NOL4: variants seen among roughly 807,000 people sequenced by gnomAD.
NOL4 encodes the protein cancer/testis antigen 125.
A neutral mutation model predicts 75.9 loss-of-function variants in NOL4; 17 were observed. The ratio of observed to expected loss-of-function variants is 0.22; its 90% CI spans 0.15 to 0.34. The LOEUF (loss-of-function observed/expected upper bound fraction) is 0.34. Among genes scored for constraint, NOL4 ranks in the 10% least tolerant of loss-of-function variants. The pLI is 1.00. For synonymous variants in NOL4, 292 were observed against 289.9 expected, an observed-to-expected ratio of 1.01 and a Z score of -0.07; for missense variants, 614 against 793.5, an observed-to-expected ratio of 0.77 and a Z score of 2.72.
At chr18:34,159,923 G>A (rs1406685868) in intron 1 of NOL4, among the ~76,000 whole-genome samples, 1 of 152,076 alleles carries the variant, frequency 6.6e-6, no homozygotes, top group African/African-American at 2.4e-5. Flanking sequence ...GTGGGGTGGG[G>A]TGGAGTTGTC....
intron 5 of NOL4, among the ~76,000 whole-genome samples, chr18:34,043,866 T>C (rs958354494): frequency 1.1e-4 from 17 of 152,056 alleles, no homozygotes; most frequent in African/African-American, 4.1e-4. Context: ...AGGCCCAACC[T>C]TTTGACTTTC....
At chr18:34,199,172 G>A (rs909931183) in intron 1 of NOL4, among the ~76,000 whole-genome samples, 1 of 92,238 alleles carries the variant, frequency 1.1e-5, no homozygotes, top group Admixed American at 1.1e-4. Context: ...TGTATGTTTT[G>A]TTTTGTTATA....
At chr18:34,103,471 A>C (rs892297160) in intron 4 of NOL4, among the ~76,000 whole-genome samples, 1 of 152,074 alleles carries the variant, frequency 6.6e-6, no homozygotes, top group Non-Finnish European at 1.5e-5. Flanking sequence ...TTCACTATAC[A>C]AATTAAATAG....
intron 8 of NOL4, among the ~76,000 whole-genome samples, chr18:33,952,543 C>T (rs1432286954): frequency 1.3e-5 from 2 of 152,212 alleles, no homozygotes; most frequent in South Asian, 2.1e-4. Flanking sequence ...AAACACCACA[C>T]TTGTACAGGA....
chr18:34,206,739 G>T (rs560820849), intron 1 of NOL4, among the ~76,000 whole-genome samples: 15 of 152,128 alleles, frequency 9.9e-5, no homozygotes, highest in Non-Finnish European at 1.9e-4. Flanking sequence ...GTTCCACCAA[G>T]CATTTTGAAT....
intron 9 of NOL4, among the ~76,000 whole-genome samples, chr18:33,890,995 A>G (rs1322640294): frequency 6.6e-6 from 1 of 151,916 alleles, no homozygotes; most frequent in Non-Finnish European, 1.5e-5. Flanking sequence ...ATAAAGGTAC[A>G]GTGAAAAATC....
chr18:33,952,463 A>C (rs1479689002), intron 8 of NOL4, among the ~76,000 whole-genome samples: 2 of 152,196 alleles, frequency 1.3e-5, no homozygotes, highest in Non-Finnish European at 2.9e-5. Flanking sequence ...GTACCATATT[A>C]TATGCTATAC....
At chr18:34,065,855 T>G (rs1323932617) in intron 5 of NOL4, among the ~76,000 whole-genome samples, 1 of 151,946 alleles carries the variant, frequency 6.6e-6, no homozygotes, top group African/African-American at 2.4e-5. Flanking sequence ...AAACACCTGT[T>G]TCTTTGGTTT....
chr18:34,110,673 G>T (rs80343713), intron 2 of NOL4, among the ~76,000 whole-genome samples: 2,801 of 152,164 alleles, frequency 0.018, 35 homozygotes, highest in Non-Finnish European at 0.028. Flanking sequence ...GGTACTAGAA[G>T]TCCTAGTCAG....
intron 2 of NOL4, chr18:34,128,819 G>C: frequency 1.1e-6 from 1 of 911,716 alleles, no homozygotes; most frequent in East Asian, 1.2e-4. Context: ...TATTTCTTAT[G>C]CTCAGTAGCT....
rs2069732667 is a variant in NOL4 at position 33,957,395 on chromosome 18, C to T, written c.1359G>A (p.Glu453=). ...AAGTACGTATACGTTTTCTGGCACG[C>T]TCTTGATACTCAGGGAATTGTCGCC... The part of the protein sequence containing the change: ...SCRRQFPEYQ[E]RARKRIRTYL... The change falls in exon 8 of 11, where the codon GAG becomes GAA. Residue 453 remains glutamate (E), a synonymous_variant. Coordinates refer to ENST00000261592, the MANE Select transcript of NOL4 (RefSeq NM_003787.5). 4 of 1,613,660 alleles carry T rather than the reference C, an allele frequency of 2.5e-6. No individual in the cohort carries two copies. In the African/African-American group the frequency reaches 4.0e-5, roughly 16 times the overall value.
chr18:34,119,697 C>T (rs971688501), intron 2 of NOL4, among the ~76,000 whole-genome samples: 1 of 152,128 alleles, frequency 6.6e-6, no homozygotes, highest in Non-Finnish European at 1.5e-5. Flanking sequence ...TCTCGGCTCA[C>T]TGCCAGCTCC....
intron 1 of NOL4, among the ~76,000 whole-genome samples, chr18:34,198,567 T>C (rs1015457486): frequency 2.6e-5 from 4 of 151,894 alleles, no homozygotes; most frequent in Admixed American, 1.3e-4. Flanking sequence ...ATCTTAGAAA[T>C]GTATTGATGC....
intron 9 of NOL4, among the ~76,000 whole-genome samples, chr18:33,891,892 G>A (rs1169144625): frequency 6.6e-6 from 1 of 152,020 alleles, no homozygotes; most frequent in Non-Finnish European, 1.5e-5. Flanking sequence ...GGATTCATTT[G>A]TATTCAGACA....
chr18:34,034,251 A>C (rs1185807837), intron 5 of NOL4, among the ~76,000 whole-genome samples: 2 of 151,968 alleles, frequency 1.3e-5, no homozygotes, highest in Non-Finnish European at 2.9e-5. Flanking sequence ...ACAGCATGAC[A>C]GGAACAAAAT....
intron 10 of NOL4, among the ~76,000 whole-genome samples, chr18:33,875,784 C>T (rs1402486023): frequency 6.6e-6 from 1 of 151,990 alleles, no homozygotes. Flanking sequence ...TTATTGAGCA[C>T]TTGCTATATG....
At chr18:34,009,878 G>A (rs537845754) in intron 6 of NOL4, among the ~76,000 whole-genome samples, 1 of 151,904 alleles carries the variant, frequency 6.6e-6, no homozygotes, top group East Asian at 1.9e-4. Context: ...TTTCCAATCT[G>A]TAAAAATGAG....
At chr18:33,853,368 A>T (rs753635462) in intron 10 of NOL4, among the ~76,000 whole-genome samples, 6 of 152,144 alleles carry the variant, frequency 3.9e-5, no homozygotes, top group Non-Finnish European at 8.8e-5. Context: ...CGCTTCTCAT[A>T]GTAGCATAAC....
chr18:33,997,637 A>G (rs1309920277), intron 6 of NOL4, among the ~76,000 whole-genome samples: 1 of 149,142 alleles, frequency 6.7e-6, no homozygotes, highest in Non-Finnish European at 1.5e-5. Context: ...TATACTTTAT[A>G]TATAAATAAG....
Sources: allele counts gnomAD v4.1 joint callset (sites outside exome capture counted in the v4.1 genomes callset), GRCh38; gene constraint gnomAD v4.1.1; transcripts MANE v1.5; gene names NCBI Gene and HGNC (gene_info 2026-07-23, HGNC 2026-07-21).